The following VTI1A variants were observed in gnomAD, a reference collection of about 807,000 sequenced individuals.
The protein encoded by VTI1A is vesicle transport through interaction with t-SNAREs 1A.
VTI1A carries 22 observed loss-of-function variants against 34.9 expected under a neutral mutation model. The ratio of observed to expected loss-of-function variants is 0.63; its 90% CI spans 0.45 to 0.90. The LOEUF (loss-of-function observed/expected upper bound fraction) is 0.90, where lower values mean the gene tolerates loss of function less well. Ranked by LOEUF, VTI1A falls within the 40% of genes least tolerant of loss-of-function variation. VTI1A has a pLI of 0.00. For missense variants in VTI1A, 268 were observed against 275.6 expected (o/e 0.97, Z 0.20); for synonymous variants, 87 against 97.3 (o/e 0.89, Z 0.62).
At chr10:112,677,197 A>G (rs967567789) in intron 7 of VTI1A, among the ~76,000 whole-genome samples, 1 of 152,170 alleles carries the variant, frequency 6.6e-6, no homozygotes, top group Non-Finnish European at 1.5e-5. Flanking sequence ...TTTTTCCGAA[A>G]GGGTAATGGA....
At chr10:112,713,465 C>A (rs1426999115) in intron 7 of VTI1A, among the ~76,000 whole-genome samples, 2 of 152,028 alleles carry the variant, frequency 1.3e-5, no homozygotes, top group African/African-American at 4.8e-5. Flanking sequence ...ATAAGGGAGG[C>A]ATTATTATTT....
chr10:112,531,061 CCTCACACACACACACA>C (rs1237504418), intron 4 of VTI1A, among the ~76,000 whole-genome samples: 6 of 90,240 alleles, frequency 6.6e-5, no homozygotes, highest in African/African-American at 1.9e-4. Context: ...ACGTGACACA[CCTCACACACACACACA>C]CACACACACA....
rs568099301 is a variant in VTI1A, at chr10:112,575,472, A to G, written c.427+37142A>G. 8.5e-5 allele frequency among the ~76,000 whole-genome samples: 13 copies of G among 152,330 alleles called. No homozygotes were observed. In the East Asian group the frequency reaches 2.5e-3, roughly 29 times the overall value. ...GTGGATATTGATAATGGCCAATGGT[A>G]CAGCAGTTTTCTGCTTCCTTCAGTA... is the stretch of plus-strand genomic sequence containing the variant. On this transcript the variant is annotated intron_variant, in intron 5 of 7. Coordinates refer to ENST00000393077, the MANE Select transcript of VTI1A (RefSeq NM_145206.4).
chr10:112,601,761 G>A (rs569128214), intron 5 of VTI1A, among the ~76,000 whole-genome samples: 2 of 152,236 alleles, frequency 1.3e-5, no homozygotes, highest in South Asian at 2.1e-4. Context: ...CATGTGCTCT[G>A]AGGTATCACT....
chr10:112,714,324 C>T (rs762711208), intron 7 of VTI1A, among the ~76,000 whole-genome samples: 2 of 152,190 alleles, frequency 1.3e-5, no homozygotes, highest in Non-Finnish European at 2.9e-5. Context: ...TGCCTTTCCC[C>T]TGCTTTAGTT....
chr10:112,796,748 A>G (rs1189302982), intron 7 of VTI1A, among the ~76,000 whole-genome samples: 1 of 152,244 alleles, frequency 6.6e-6, no homozygotes, highest in Admixed American at 6.5e-5. Context: ...GAAATTTCCT[A>G]CAGCCAAGCG....
the VTI1A span, among the ~76,000 whole-genome samples, chr10:112,846,778 A>G: frequency 7.2e-5 from 11 of 152,024 alleles, no homozygotes; most frequent in South Asian, 2.1e-4. Flanking sequence ...AAAAAAAAAA[A>G]AAAAGAAAAA....
In VTI1A at chr10:112,785,880, G is replaced by GT. The variant is rs1481089199; in HGVS notation, c.561-29407dup. On this transcript the variant is annotated intron_variant, in intron 7 of 7. Coordinates refer to ENST00000393077, the MANE Select transcript of VTI1A (RefSeq NM_145206.4). Reference sequence around the variant, plus strand: ...CTTGATTACAGTAGCTTCATAGTAAGTTTGAAGTCAGGTGGTATAAGTCTT... The same window carrying GT: ...CTTGATTACAGTAGCTTCATAGTAAGTTTTGAAGTCAGGTGGTATAAGTCTT... Among the ~76,000 whole-genome samples the GT allele has an allele frequency of 2.0e-5, 3 of 152,264 alleles. No homozygotes were observed. The East Asian group carries it at 5.8e-4, about 29-fold the overall frequency.
chr10:112,841,868 C>T, the VTI1A span, among the ~76,000 whole-genome samples: 1 of 152,088 alleles, frequency 6.6e-6, no homozygotes, highest in South Asian at 2.1e-4. Context: ...TCCAATAAAT[C>T]CCGTCTCTGC....
chr10:112,775,469 T>C (rs190554864), intron 7 of VTI1A, among the ~76,000 whole-genome samples: 82 of 152,346 alleles, frequency 5.4e-4, no homozygotes, highest in African/African-American at 1.9e-3. Flanking sequence ...TGATCTGAAA[T>C]AACCTAGCAT....
intron 7 of VTI1A, among the ~76,000 whole-genome samples, chr10:112,669,396 C>G (rs575180368): frequency 6.6e-6 from 1 of 152,168 alleles, no homozygotes; most frequent in African/African-American, 2.4e-5. Context: ...CTCTCTGTTG[C>G]CTTGTTTTCA....
chr10:112,851,265 C>T, the VTI1A span, among the ~76,000 whole-genome samples: 36 of 152,080 alleles, frequency 2.4e-4, 1 homozygote, highest in Admixed American at 1.6e-3. Flanking sequence ...TTTTCTGGGT[C>T]GCCTGTGATA....
At chr10:112,687,016 C>G (rs1203005077) in intron 7 of VTI1A, among the ~76,000 whole-genome samples, 1 of 152,040 alleles carries the variant, frequency 6.6e-6, no homozygotes, top group Non-Finnish European at 1.5e-5. Context: ...TCTGTGGGCA[C>G]CGCTGTAACC....
chr10:112,736,474 G>A (rs1034767349), intron 7 of VTI1A, among the ~76,000 whole-genome samples: 3 of 152,122 alleles, frequency 2.0e-5, no homozygotes, highest in Non-Finnish European at 4.4e-5. Flanking sequence ...AGATGGGTAG[G>A]TGGGTGGGTG....
At chr10:112,809,322 T>C (rs1347231252) in intron 7 of VTI1A, among the ~76,000 whole-genome samples, 2 of 152,216 alleles carry the variant, frequency 1.3e-5, no homozygotes, top group African/African-American at 2.4e-5. Flanking sequence ...TAACGTTGAA[T>C]TGGATATAGA....
In VTI1A at chr10:112,718,771, T is replaced by A. The variant is rs74360601; in HGVS notation, c.560+49773T>A. On this transcript the variant is annotated intron_variant, in intron 7 of 7. Coordinates refer to ENST00000393077, the MANE Select transcript of VTI1A (RefSeq NM_145206.4). ...AATAATGCTGAAAATAAGAAGACAGTCATTTATTTACTCTGTTTGGCATTG... is the reference window on the plus strand; with the variant it reads ...AATAATGCTGAAAATAAGAAGACAGACATTTATTTACTCTGTTTGGCATTG... Among the ~76,000 whole-genome samples, 1,151 of 152,292 alleles carry A rather than the reference T, an allele frequency of 7.6e-3. 12 individuals carry two copies. The highest frequency in any genetic ancestry group is 0.027 in the African/African-American group (1,112 of 41,550).
chr10:112,535,643 G>T (rs11195988), intron 4 of VTI1A, among the ~76,000 whole-genome samples: 40 of 152,068 alleles, frequency 2.6e-4, no homozygotes, highest in Admixed American at 3.9e-4. Flanking sequence ...ACATTGCGCA[G>T]CTCCTCACAC....
intron 3 of VTI1A, among the ~76,000 whole-genome samples, chr10:112,506,649 T>A (rs950620462): frequency 1.5e-4 from 23 of 152,346 alleles, no homozygotes; most frequent in African/African-American, 5.5e-4. Flanking sequence ...TCGTGACATA[T>A]GCTCAGAAAA....
chr10:112,784,726 C>CA (rs1156644718), intron 7 of VTI1A, among the ~76,000 whole-genome samples: 2 of 152,096 alleles, frequency 1.3e-5, no homozygotes, highest in Admixed American at 1.3e-4. Context: ...CCAGAGTGCC[C>CA]AATTCAAGTG....
Sources: gnomAD v4.1 joint callset for allele counts (sites outside exome capture counted in the v4.1 genomes callset) on GRCh38, gnomAD v4.1.1 for gene constraint, MANE v1.5 for transcripts, NCBI Gene and HGNC (gene_info 2026-07-23, HGNC 2026-07-21) for gene names.